Variants in SGPP1 observed in about 807,000 individuals in gnomAD.
SGPP1 encodes hSPP1.
In SGPP1, 21 loss-of-function variants were observed where a neutral mutation model predicts 33.0. The ratio of observed to expected loss-of-function variants is 0.64; its 90% CI spans 0.45 to 0.92. The LOEUF is 0.92. Among genes scored for constraint, SGPP1 ranks in the 40% least tolerant of loss-of-function variants. The pLI is 0.00. For synonymous variants in SGPP1, 239 were observed against 241.2 expected, an observed-to-expected ratio of 0.99 and a Z score of 0.08; for missense variants, 543 against 589.4, an observed-to-expected ratio of 0.92 and a Z score of 0.81.
chr14:63,699,478 T>G (rs1018882438), intron 1 of SGPP1, among the ~76,000 whole-genome samples: 8 of 152,126 alleles, frequency 5.3e-5, no homozygotes, highest in Non-Finnish European at 8.8e-5. Context: ...GGAAGTTGGG[T>G]TGAAATAAAG....
intron 1 of SGPP1, among the ~76,000 whole-genome samples, chr14:63,699,804 C>T (rs1369659971): frequency 1.3e-5 from 2 of 149,296 alleles, no homozygotes; most frequent in Non-Finnish European, 3.0e-5. Flanking sequence ...CTCCTTGAAA[C>T]TCTAAATACC....
intron 1 of SGPP1, among the ~76,000 whole-genome samples, chr14:63,707,873 G>A (rs1207570038): frequency 6.6e-6 from 1 of 152,038 alleles, no homozygotes; most frequent in Non-Finnish European, 1.5e-5. Context: ...CAAACCTCCA[G>A]GGTTGAGAAC....
chr14:63,688,720 TTTTTC>T (rs1239678319), intron 2 of SGPP1, among the ~76,000 whole-genome samples: 54 of 143,078 alleles, frequency 3.8e-4, no homozygotes, highest in African/African-American at 1.4e-3. Flanking sequence ...ATTTCTTTTT[TTTTTC>T]TTTTTTTTTT....
chr14:63,700,302 C>T (rs1885270617), intron 1 of SGPP1, among the ~76,000 whole-genome samples: 2 of 152,138 alleles, frequency 1.3e-5, no homozygotes, highest in Admixed American at 1.3e-4. Flanking sequence ...ATATTTCCAC[C>T]TTGAGGTCCC....
intron 1 of SGPP1, among the ~76,000 whole-genome samples, chr14:63,719,316 ATTT>A (rs762038679): frequency 6.6e-6 from 1 of 150,426 alleles, no homozygotes; most frequent in Non-Finnish European, 1.5e-5. Context: ...CATAAAAATT[ATTT>A]TTTTTTAATT....
Position 63,708,456 on chromosome 14 carries a change from G to C in SGPP1, c.685-9798C>G, listed in dbSNP as rs1885460393. ...TTTTTGTATTTTTAGTAGAGATGGG[G>C]TTTTGCCATATTGGCCAGGCTTGTC... On this transcript the variant is annotated intron_variant, in intron 1 of 2. Coordinates refer to ENST00000247225, the MANE Select transcript of SGPP1 (RefSeq NM_030791.4). 2.6e-5 allele frequency among the ~76,000 whole-genome samples: 4 copies of C among 151,074 alleles called. 1 individual carries two copies. In the South Asian group the frequency reaches 8.4e-4, roughly 32 times the overall value.
intron 1 of SGPP1, among the ~76,000 whole-genome samples, chr14:63,701,013 C>T (rs905338280): frequency 6.6e-6 from 1 of 151,960 alleles, no homozygotes; most frequent in Non-Finnish European, 1.5e-5. Context: ...TAGGGTCTCG[C>T]TCTGTTGCCC....
At chr14:63,690,806 C>T (rs530435592) in intron 2 of SGPP1, among the ~76,000 whole-genome samples, 7 of 152,222 alleles carry the variant, frequency 4.6e-5, no homozygotes, top group African/African-American at 1.7e-4. Context: ...TACCTCCTGG[C>T]TTCAAGCAAT....
At chr14:63,695,055 T>A (rs949433540) in intron 2 of SGPP1, among the ~76,000 whole-genome samples, 4 of 152,182 alleles carry the variant, frequency 2.6e-5, no homozygotes, top group Admixed American at 2.0e-4. Flanking sequence ...TTATTTATTT[T>A]ATTTTATTTT....
chr14:63,695,212 A>G (rs1885163055), intron 2 of SGPP1, among the ~76,000 whole-genome samples: 1 of 152,102 alleles, frequency 6.6e-6, no homozygotes. Context: ...GCCCGCCACC[A>G]CGCCTGGCTA....
intron 1 of SGPP1, among the ~76,000 whole-genome samples, chr14:63,703,142 A>G (rs952188253): frequency 6.6e-6 from 1 of 152,030 alleles, no homozygotes; most frequent in African/African-American, 2.4e-5. Context: ...TTAATAAATG[A>G]ATTCAGCAAA....
chr14:63,724,630 A>AG (rs1417288414), intron 1 of SGPP1, among the ~76,000 whole-genome samples: 1 of 150,926 alleles, frequency 6.6e-6, no homozygotes, highest in East Asian at 1.9e-4. Context: ...AAAAAAAAAA[A>AG]AAAAAAAAAA....
intron 1 of SGPP1, among the ~76,000 whole-genome samples, 195 bp from the exon 2 acceptor site, chr14:63,698,853 G>C (rs1595063928): frequency 6.6e-6 from 1 of 152,144 alleles, no homozygotes; most frequent in African/African-American, 2.4e-5. Flanking sequence ...TTCCACAAAT[G>C]AACAAATGAA....
intron 1 of SGPP1, among the ~76,000 whole-genome samples, chr14:63,701,616 G>C (rs900434662): frequency 1.3e-5 from 2 of 152,140 alleles, no homozygotes; most frequent in South Asian, 4.1e-4. Context: ...CCATAGCAGA[G>C]AGAGCAAGTA....
At position 63,727,197 on chromosome 14, in the gene SGPP1, G is replaced by A. The variant is rs1040136638; in HGVS notation, c.684+64C>T. On this transcript the variant is annotated intron_variant, in intron 1 of 2. Transcript: ENST00000247225. Reference sequence around the variant, plus strand: ...ACGGTCGAATTAAAATAAATGCAGAGAGCAAAGAGAACTCCGAGTTCTTTG... The same window carrying A: ...ACGGTCGAATTAAAATAAATGCAGAAAGCAAAGAGAACTCCGAGTTCTTTG... 2.6e-6 allele frequency: 4 copies of A among 1,510,698 alleles called. No homozygotes were observed. In the East Asian group the frequency reaches 9.2e-5, roughly 35 times the overall value. 93.6% of individuals were successfully genotyped at this position (1,510,698 alleles called of 1,614,324 possible).
chr14:63,718,977 C>CATACATAT (rs1885689458), intron 1 of SGPP1, among the ~76,000 whole-genome samples: 2 of 26,960 alleles, frequency 7.4e-5, no homozygotes, highest in Non-Finnish European at 1.3e-4. Context: ...TATGTATATA[C>CATACATAT]ATATATATAT....
chr14:63,715,344 C>T (rs2139649986), intron 1 of SGPP1, among the ~76,000 whole-genome samples: 1 of 152,180 alleles, frequency 6.6e-6, no homozygotes, highest in Admixed American at 6.6e-5. Flanking sequence ...TTCATCTGCT[C>T]ATAACTGTTG....
chr14:63,724,295 A>G (rs1431728857), intron 1 of SGPP1, among the ~76,000 whole-genome samples: 1 of 152,154 alleles, frequency 6.6e-6, no homozygotes, highest in Non-Finnish European at 1.5e-5. Context: ...ATTAAGTAGT[A>G]GGTAGTAGTG....
chr14:63,712,190 C>CT (rs61048607), intron 1 of SGPP1, among the ~76,000 whole-genome samples: 9,293 of 152,020 alleles, frequency 0.061, 510 homozygotes, highest in African/African-American at 0.15. Flanking sequence ...TTAGCTTTTT[C>CT]TTTTTTTAAT....
Sources: allele counts gnomAD v4.1 joint callset (sites outside exome capture counted in the v4.1 genomes callset), GRCh38; gene constraint gnomAD v4.1.1; transcripts MANE v1.5; gene names NCBI Gene and HGNC (gene_info 2026-07-23, HGNC 2026-07-21).